The following NRXN3 variants were observed in gnomAD, a reference collection of about 807,000 sequenced individuals.
The protein encoded by NRXN3 is neurexin 3.
Under a neutral mutation model 137.6 loss-of-function variants are expected in NRXN3, and 32 were observed. That is an observed-to-expected ratio of 0.23 (90% CI 0.18 to 0.31). The LOEUF (loss-of-function observed/expected upper bound fraction) is 0.31, where lower values mean the gene tolerates loss of function less well. Ranked by LOEUF, NRXN3 falls within the 10% of genes least tolerant of loss-of-function variation. The probability of loss-of-function intolerance (pLI) is 1.00; values close to 1 mark genes in which losing one functional copy is unlikely to be tolerated. For synonymous variants in NRXN3, 798 were observed against 784.5 expected (o/e 1.02, Z -0.29); for missense variants, 1,574 against 2,062.5 (o/e 0.76, Z 4.59).
At chr14:79,611,938 C>A (rs183327001) in intron 16 of NRXN3, 29 of 152,282 alleles carry the variant, frequency 1.9e-4, no homozygotes, top group Admixed American at 1.9e-3. Flanking sequence ...GTTGTCATTT[C>A]TTTGACATTA....
chr14:78,707,537 A>G (rs750157350), intron 6 of NRXN3, among the ~76,000 whole-genome samples: 1 of 152,190 alleles, frequency 6.6e-6, no homozygotes, highest in African/African-American at 2.4e-5. Context: ...GATGGATTAT[A>G]CCTGGTTTAG....
intron 15 of NRXN3, among the ~76,000 whole-genome samples, chr14:79,386,305 C>T (rs1336410459): frequency 6.6e-6 from 1 of 152,002 alleles, no homozygotes; most frequent in Non-Finnish European, 1.5e-5. Context: ...TCTTATATAC[C>T]AATAACAGAC....
chr14:79,808,557 T>C (rs2099219424), intron 20 of NRXN3, among the ~76,000 whole-genome samples: 1 of 152,104 alleles, frequency 6.6e-6, no homozygotes, highest in South Asian at 2.1e-4. Context: ...GGAAATACAC[T>C]AAATTTGGCT....
chr14:79,190,434 C>T (rs541917234), intron 15 of NRXN3, among the ~76,000 whole-genome samples: 26 of 152,106 alleles, frequency 1.7e-4, no homozygotes, highest in African/African-American at 6.0e-4. Context: ...ATGATAAAGA[C>T]CTTAAGCTTT....
intron 19 of NRXN3, among the ~76,000 whole-genome samples, chr14:79,737,219 G>A (rs1211743956): frequency 1.3e-5 from 2 of 152,150 alleles, no homozygotes; most frequent in African/African-American, 2.4e-5. Context: ...ATTGGCCCAT[G>A]GGTTGTCCAC....
At chr14:79,826,394 C>T (rs549016488) in intron 20 of NRXN3, among the ~76,000 whole-genome samples, 2 of 152,220 alleles carry the variant, frequency 1.3e-5, no homozygotes, top group East Asian at 3.9e-4. Context: ...CTCAGGTTCA[C>T]CAGTTGTTAA....
At position 78,194,716 on chromosome 14, in the gene NRXN3, C is replaced by T. The variant is rs368696910; in HGVS notation, c.-704+24042C>T. On this transcript the variant is annotated intron_variant, in intron 1 of 20. Transcript: ENST00000335750. ...GAGGGGCTCCAGAGGCGGATGGCTACGGACAGGTGGCAGTAGTTGCAGAGG... is the reference window on the plus strand; with the variant it reads ...GAGGGGCTCCAGAGGCGGATGGCTATGGACAGGTGGCAGTAGTTGCAGAGG... Among the ~76,000 whole-genome samples, 43 of 152,242 alleles carry T rather than the reference C, an allele frequency of 2.8e-4. 1 individual carries two copies. Among genetic ancestry groups the T allele is most frequent in the African/African-American group, 7.7e-4 (32 of 41,536 alleles).
At chr14:79,837,675 G>T (rs2099347058) in intron 20 of NRXN3, among the ~76,000 whole-genome samples, 1 of 151,972 alleles carries the variant, frequency 6.6e-6, no homozygotes, top group Non-Finnish European at 1.5e-5. Flanking sequence ...GTCATTTTTT[G>T]TACAAGTGTC....
intron 10 of NRXN3, among the ~76,000 whole-genome samples, chr14:78,873,836 G>A (rs1432695665): frequency 6.6e-6 from 1 of 152,098 alleles, no homozygotes; most frequent in African/African-American, 2.4e-5. Flanking sequence ...GGTCCCCAGG[G>A]TAGTCTTAAA....
intron 19 of NRXN3, among the ~76,000 whole-genome samples, chr14:79,760,473 T>C (rs949747919): frequency 4.7e-5 from 7 of 149,608 alleles, no homozygotes; most frequent in Admixed American, 2.0e-4. Flanking sequence ...GTTTGGCCCG[T>C]GGTATTCTCT....
At chr14:78,894,483 T>G (rs1338284841) in intron 10 of NRXN3, among the ~76,000 whole-genome samples, 12 of 152,034 alleles carry the variant, frequency 7.9e-5, no homozygotes, top group African/African-American at 2.9e-4. Flanking sequence ...TCTAGTTCTC[T>G]TGCTACTTCC....
chr14:78,488,299 A>G (rs11627763), intron 4 of NRXN3, among the ~76,000 whole-genome samples: 8,848 of 152,264 alleles, frequency 0.058, 497 homozygotes, highest in Admixed American at 0.19. Flanking sequence ...GCTTCAACCT[A>G]TGAATTTGGG....
chr14:78,943,618 AAAAATATATATATATATATATATATATAT>A (rs1377524079), intron 10 of NRXN3, among the ~76,000 whole-genome samples: 705 of 39,948 alleles, frequency 0.018, 42 homozygotes, highest in South Asian at 0.042. Flanking sequence ...GTTAAAAAAA[AAAAATATATATATATATATATATATATAT>A]ATATATATAT....
chr14:78,227,591 G>A (rs559766862), intron 1 of NRXN3, among the ~76,000 whole-genome samples: 1 of 152,148 alleles, frequency 6.6e-6, no homozygotes, highest in African/African-American at 2.4e-5. Flanking sequence ...CTAGCCTAGG[G>A]CTCTCACCAG....
Position 78,181,911 on chromosome 14 carries a change from A to T in NRXN3, c.-704+11237A>T, listed in dbSNP as rs568358512. On this transcript the variant is annotated intron_variant, in intron 1 of 20. Coordinates refer to ENST00000335750, the MANE Select transcript of NRXN3 (RefSeq NM_001330195.2). ...CAGATATTTATTAAACACCTATTAT[A>T]TGCAGGCACTATACCAGGTGCTGGG... 2.0e-5 allele frequency among the ~76,000 whole-genome samples: 3 copies of T among 152,258 alleles called. No homozygotes were observed. In the East Asian group the frequency reaches 5.8e-4, roughly 30 times the overall value.
chr14:79,751,298 G>C (rs1300226185), intron 19 of NRXN3, among the ~76,000 whole-genome samples: 1 of 152,164 alleles, frequency 6.6e-6, no homozygotes, highest in Admixed American at 6.5e-5. Context: ...TCCCTTGTAA[G>C]TTGGATTCCT....
intron 4 of NRXN3, among the ~76,000 whole-genome samples, chr14:78,381,084 A>G (rs1238236272): frequency 1.3e-5 from 2 of 152,218 alleles, no homozygotes; most frequent in East Asian, 3.9e-4. Flanking sequence ...ATGCTGGAGC[A>G]ATTGCATATC....
intron 20 of NRXN3, among the ~76,000 whole-genome samples, chr14:79,821,401 T>A (rs1031347150): frequency 4.6e-5 from 7 of 152,206 alleles, no homozygotes; most frequent in Non-Finnish European, 7.3e-5. Context: ...TCATGGGAAC[T>A]CTGAACTGAA....
chr14:79,166,677 C>G (rs1264961890), intron 15 of NRXN3, among the ~76,000 whole-genome samples: 2 of 151,332 alleles, frequency 1.3e-5, no homozygotes, highest in Non-Finnish European at 2.9e-5. Flanking sequence ...CATAACTTTT[C>G]TTAGGAAGGA....
Sources: allele counts gnomAD v4.1 joint callset (sites outside exome capture counted in the v4.1 genomes callset), GRCh38; gene constraint gnomAD v4.1.1; transcripts MANE v1.5; gene names NCBI Gene and HGNC (gene_info 2026-07-23, HGNC 2026-07-21).